The following LAMP2 variants were observed in gnomAD, a reference collection of about 807,000 sequenced individuals.
The protein encoded by LAMP2 is lysosome associated membrane protein 2.
Under a neutral mutation model 25.6 loss-of-function variants are expected in LAMP2, and 4 were observed. The ratio of observed to expected loss-of-function variants is 0.16; its 90% CI spans 0.08 to 0.36. The LOEUF is 0.36. Among genes scored for constraint, LAMP2 ranks in the 10% least tolerant of loss-of-function variants. The pLI, the probability that LAMP2 is intolerant of heterozygous loss-of-function variation, is 1.00. For synonymous variants in LAMP2, 108 were observed against 112.7 expected, an observed-to-expected ratio of 0.96 and a Z score of 0.27; for missense variants, 272 against 301.4, an observed-to-expected ratio of 0.90 and a Z score of 0.72.
chrX:120,460,907 T>C (rs1387666310), intron 1 of LAMP2, among the ~76,000 whole-genome samples: 1 of 111,879 alleles, frequency 8.9e-6, no homozygotes, highest in Non-Finnish European at 1.9e-5. Flanking sequence ...GCCAAGATCA[T>C]GCCAATGCAC....
Position 120,456,701 on chromosome X carries a change from T to C in LAMP2, c.133A>G (p.Lys45Glu). The change falls in exon 2 of 9, where the codon AAA (lysine) becomes GAA (glutamate). Residue 45 changes from lysine (K) to glutamate (E), a missense_variant. Lys to Glu is a moderately conservative substitution (Grantham distance 56, BLOSUM62 1). Transcript: ENST00000200639. Reference sequence around the variant, plus strand: ...CGTACTGTGAAATTCATCTGCCATTTTGCATAAAGGCAAGTGGCATTTTCT... The same window carrying C: ...CGTACTGTGAAATTCATCTGCCATTCTGCATAAAGGCAAGTGGCATTTTCT... ...DSENATCLYA[K>E]WQMNFTVRYE... is the part of the protein sequence containing the mutation. 2.5e-6 allele frequency: 3 copies of C among 1,191,398 alleles called. No individual in the cohort carries two copies. Among genetic ancestry groups the C allele is most frequent in the Non-Finnish European group, 3.4e-6 (3 of 880,063 alleles).
At position 120,430,149 on chromosome X, in the gene LAMP2, T is replaced by C; in HGVS notation, c.*1174A>G. ...CCCCTATATACATACAATGGGTTAA[T>C]AATACTTCAATGTGGAAGTCTTCTA... is the stretch of plus-strand genomic sequence containing the variant. On this transcript the variant is annotated 3_prime_UTR_variant, in exon 9 of 9. Coordinates refer to ENST00000200639, the MANE Select transcript of LAMP2 (RefSeq NM_002294.3). 10 of 751,990 alleles carry C rather than the reference T, an allele frequency of 1.3e-5. No individual in the cohort carries two copies. The highest frequency in any genetic ancestry group is 1.6e-5 in the Non-Finnish European group (10 of 636,844). The allele number at this position is 751,990 out of a possible 1,213,427, so 62.0% of individuals were successfully genotyped here.
At chrX:120,456,907 C>CAT (rs1921119885) in intron 1 of LAMP2, 138 bp from the exon 2 acceptor site, 2 of 368,331 alleles carry the variant, frequency 5.4e-6, no homozygotes, top group South Asian at 5.2e-5. Context: ...TATACACATA[C>CAT]ATATATATAC....
chrX:120,442,936 C>T lies in LAMP2; in HGVS notation c.865-274G>A, dbSNP rs764275628. Among the ~76,000 whole-genome samples the T allele has an allele frequency of 6.5e-4, 73 of 111,867 alleles. No homozygotes were observed. The South Asian group carries it at 9.0e-3, about 14-fold the overall frequency. ...GGCCTCAATTTTATTCCTCCTGTCA[C>T]TTGCTGAGCCCTCACCACCTCTAGC... On this transcript the variant is annotated intron_variant, in intron 6 of 8. Transcript: ENST00000200639.
At position 120,447,997 on chromosome X, in the gene LAMP2, T is replaced by G. The variant is rs2058605508; in HGVS notation, c.585A>C (p.Ser195=). 1 of 1,208,549 alleles carries G rather than the reference T, an allele frequency of 8.3e-7. No homozygotes were observed. Among genetic ancestry groups the G allele is most frequent in the Non-Finnish European group, 1.1e-6 (1 of 894,372 alleles). Residue 195 remains serine, a synonymous_variant, in exon 5 of 9, where the codon TCA becomes TCC. Coordinates refer to ENST00000200639, the MANE Select transcript of LAMP2 (RefSeq NM_002294.3). ...TGGTGTGTATGGTGGGTGCCACTGT[T>G]GAAGTTTTGTCTTTATCACACAGGA... ...NEFLCDKDKT[S]TVAPTIHTTV...
rs188295852 is a variant in LAMP2, at chrX:120,460,868, T to C, written c.65-4099A>G. 4.5e-4 allele frequency among the ~76,000 whole-genome samples: 51 copies of C among 112,127 alleles called. 1 individual carries two copies. The highest frequency in any genetic ancestry group is 4.6e-3 in the Middle Eastern group (1 of 217). On this transcript the variant is annotated intron_variant, in intron 1 of 8. Transcript: ENST00000200639. ...CAGGAGGCTGATACAGGAGAATCGT[T>C]TGAACCCGGGAGGCAGAGGTTGCAG...
chrX:120,467,095 G>A (rs1921572502), intron 1 of LAMP2, among the ~76,000 whole-genome samples: 1 of 112,444 alleles, frequency 8.9e-6, no homozygotes, highest in African/African-American at 3.2e-5. Flanking sequence ...GCCCGCCTCA[G>A]CCTCCCAAAG....
Position 120,442,027 on chromosome X carries a change from CCAG to C in LAMP2, c.929-136_929-134del. On this transcript the variant is annotated intron_variant, in intron 7 of 8. Coordinates refer to ENST00000200639, the MANE Select transcript of LAMP2 (RefSeq NM_002294.3). ...GCCAAGGTGGGCAGATCACGTGAGC[CCAG>C]GAGATCAAGACCAGCCTGGGCAACA... The C allele has an allele frequency of 5.5e-6, 3 of 541,285 alleles. No homozygotes were observed. In the East Asian group the frequency reaches 1.1e-4, roughly 19 times the overall value. 44.6% of individuals were successfully genotyped at this position (541,285 alleles called of 1,213,427 possible). A position where few individuals can be genotyped will look rare whatever the true frequency, so the allele number is the denominator to read the frequency against.
intron 8 of LAMP2, among the ~76,000 whole-genome samples, chrX:120,435,333 C>T (rs746284755): frequency 7.4e-4 from 83 of 111,830 alleles, no homozygotes; most frequent in South Asian, 1.9e-3. Context: ...GTTTCAAATA[C>T]AAGAAATGGT....
rs1317021019 is a variant in LAMP2, at chrX:120,429,873, T to A, written c.*1450A>T. 13 of 751,516 alleles carry A rather than the reference T, an allele frequency of 1.7e-5. No individual in the cohort carries two copies. Among genetic ancestry groups the A allele is most frequent in the Non-Finnish European group, 1.7e-5 (11 of 637,739 alleles). 61.9% of individuals were successfully genotyped at this position (751,516 alleles called of 1,213,427 possible). ...AGCTAATGAAATTAACAAAATGTGT[T>A]ATCTGGTGTGATTTATGATTAAGCA... On this transcript the variant is annotated 3_prime_UTR_variant, in exon 9 of 9. Coordinates refer to ENST00000200639, the MANE Select transcript of LAMP2 (RefSeq NM_002294.3).
chrX:120,462,230 A>C (rs1313897570), intron 1 of LAMP2, among the ~76,000 whole-genome samples: 2 of 111,279 alleles, frequency 1.8e-5, no homozygotes, highest in Non-Finnish European at 3.8e-5. Flanking sequence ...TTCTTTTAGA[A>C]TGCAGACCTT....
chrX:120,465,290 C>T (rs1429270139), intron 1 of LAMP2, among the ~76,000 whole-genome samples: 1 of 102,581 alleles, frequency 9.7e-6, no homozygotes, highest in South Asian at 4.5e-4. Context: ...AAGCCTCAAA[C>T]CTAAAAAAAA....
chrX:120,449,443 C>T (rs1019247114), intron 3 of LAMP2, among the ~76,000 whole-genome samples: 2 of 111,674 alleles, frequency 1.8e-5, no homozygotes, highest in Non-Finnish European at 3.8e-5. Flanking sequence ...GGTGAAACCT[C>T]GTCTCTACTA....
At chrX:120,464,233 C>T (rs754132646) in intron 1 of LAMP2, among the ~76,000 whole-genome samples, 3 of 111,488 alleles carry the variant, frequency 2.7e-5, no homozygotes, top group Admixed American at 9.5e-5. Context: ...GTATAATTAT[C>T]CGTACTGCTT....
chrX:120,431,054 G>A lies in LAMP2; in HGVS notation c.*269C>T, dbSNP rs2058520791. The A allele has an allele frequency of 3.2e-6, 3 of 927,111 alleles. No individual in the cohort carries two copies. Among genetic ancestry groups the A allele is most frequent in the East Asian group, 5.8e-5 (1 of 17,374 alleles). 76.4% of individuals were successfully genotyped at this position (927,111 alleles called of 1,213,427 possible). A position where few individuals can be genotyped will look rare whatever the true frequency, so the allele number is the denominator to read the frequency against. ...AAGGTTAGGATCAAAATTTGGCCAG[G>A]GCTTCTTAAGATAGACCTTAAAACA... is the stretch of plus-strand genomic sequence containing the variant. On this transcript the variant is annotated 3_prime_UTR_variant, in exon 9 of 9. Transcript: ENST00000200639.
Position 120,428,970 on chromosome X carries a change from C to T in LAMP2, c.*2353G>A, listed in dbSNP as rs1469123645. 1 of 710,269 alleles carries T rather than the reference C, an allele frequency of 1.4e-6. No individual in the cohort carries two copies. Among genetic ancestry groups the T allele is most frequent in the African/African-American group, 2.4e-5 (1 of 41,472 alleles). 58.5% of individuals were successfully genotyped at this position (710,269 alleles called of 1,213,427 possible). ...CACTGCCTGTGTATTTCCCTACTCT[C>T]TTTCTCTTCGTCACACCTATAATTA... On this transcript the variant is annotated 3_prime_UTR_variant, in exon 9 of 9. Coordinates refer to ENST00000200639, the MANE Select transcript of LAMP2 (RefSeq NM_002294.3).
intron 7 of LAMP2, 23 bp from the exon 8 acceptor site, chrX:120,441,917 A>G: frequency 8.4e-7 from 1 of 1,186,241 alleles, no homozygotes; most frequent in Non-Finnish European, 1.1e-6. Flanking sequence ...GAAACAGGTT[A>G]GTAACTTCTT....
At chrX:120,443,225 T>C (rs1358692029) in intron 6 of LAMP2, among the ~76,000 whole-genome samples, 1 of 111,026 alleles carries the variant, frequency 9.0e-6, no homozygotes, top group East Asian at 2.8e-4. Flanking sequence ...GTCATGAAAA[T>C]AGGAGAGAAA....
chrX:120,468,101 C>G (rs1239583731), intron 1 of LAMP2, among the ~76,000 whole-genome samples: 3 of 111,689 alleles, frequency 2.7e-5, no homozygotes, highest in African/African-American at 9.8e-5. Context: ...CAACCCAATC[C>G]TTAGCAAGTT....
Sources: gnomAD v4.1 joint callset for allele counts (sites outside exome capture counted in the v4.1 genomes callset) on GRCh38, gnomAD v4.1.1 for gene constraint, MANE v1.5 for transcripts, NCBI Gene and HGNC (gene_info 2026-07-23, HGNC 2026-07-21) for gene names.